The following TMED3 variants were observed in gnomAD, a reference collection of about 807,000 sequenced individuals.
The protein encoded by TMED3 is transmembrane p24 trafficking protein 3.
A neutral mutation model predicts 15.0 loss-of-function variants in TMED3; 9 were observed. The observed-to-expected ratio is 0.60, with a 90% CI of 0.36 to 1.04. The LOEUF is 1.04. TMED3 is among the 50% of genes least tolerant of loss of function. The probability of loss-of-function intolerance (pLI) is 0.01; values close to 1 mark genes in which losing one functional copy is unlikely to be tolerated. For synonymous variants in TMED3, 117 were observed against 121.4 expected, an observed-to-expected ratio of 0.96 and a Z score of 0.24; for missense variants, 267 against 278.9, an observed-to-expected ratio of 0.96 and a Z score of 0.30.
At chr15:79,363,826 C>T (rs759067362) in intron 2 of TMED3, among the ~76,000 whole-genome samples, 51 of 152,132 alleles carry the variant, frequency 3.4e-4, no homozygotes, top group Non-Finnish European at 6.5e-4. Context: ...ACACTGACAC[C>T]GGGATCGCAG....
chr15:79,348,469 GA>G (rs1229424180), intron 2 of TMED3, among the ~76,000 whole-genome samples: 1 of 152,154 alleles, frequency 6.6e-6, no homozygotes, highest in Non-Finnish European at 1.5e-5. Flanking sequence ...CTCATATAGG[GA>G]GACAAATCAA....
intron 2 of TMED3, among the ~76,000 whole-genome samples, chr15:79,410,621 C>T (rs1393868076): frequency 6.6e-6 from 1 of 151,900 alleles, no homozygotes; most frequent in African/African-American, 2.4e-5. Flanking sequence ...TTGAAGATTT[C>T]CCATAGGTGT....
At chr15:79,405,528 C>G (rs902208095) in intron 2 of TMED3, among the ~76,000 whole-genome samples, 2 of 152,152 alleles carry the variant, frequency 1.3e-5, no homozygotes, top group Admixed American at 1.3e-4. Flanking sequence ...TCCCAAGAAC[C>G]CTACCAAACC....
chr15:79,324,014 A>G (rs2058778061), downstream of TMED3, among the ~76,000 whole-genome samples: 1 of 152,142 alleles, frequency 6.6e-6, no homozygotes, highest in Admixed American at 6.5e-5. Context: ...CTTTTGAGAC[A>G]GAGTCTCACT....
chr15:79,406,234 G>A (rs1005050188), intron 2 of TMED3, among the ~76,000 whole-genome samples: 61 of 152,290 alleles, frequency 4.0e-4, no homozygotes, highest in African/African-American at 1.4e-3. Flanking sequence ...TCTTCACCGG[G>A]GTGAGGGGCT....
intron 2 of TMED3, 66 bp from the exon 3 acceptor site, chr15:79,321,912 G>A: frequency 6.4e-6 from 10 of 1,562,658 alleles, no homozygotes; most frequent in Non-Finnish European, 8.7e-6. Context: ...AACAGCATTT[G>A]CTGTTTGCTG....
intron 2 of TMED3, among the ~76,000 whole-genome samples, chr15:79,358,882 G>A (rs1468431028): frequency 2.6e-5 from 4 of 152,142 alleles, no homozygotes; most frequent in South Asian, 4.1e-4. Context: ...CAGGAGAGCC[G>A]TGGCCTGGAC....
intron 2 of TMED3, among the ~76,000 whole-genome samples, chr15:79,381,333 C>A (rs1371913907): frequency 6.6e-6 from 1 of 152,110 alleles, no homozygotes; most frequent in Non-Finnish European, 1.5e-5. Context: ...CCCCATGAAC[C>A]AAAGGAGACA....
intron 2 of TMED3, among the ~76,000 whole-genome samples, chr15:79,392,324 G>C (rs1285969089): frequency 6.6e-6 from 1 of 152,128 alleles, no homozygotes; most frequent in African/African-American, 2.4e-5. Flanking sequence ...CTCAGCATTT[G>C]TTCATCTGAA....
chr15:79,382,894 A>T, intron 2 of TMED3: 1 of 1,411,204 alleles, frequency 7.1e-7, no homozygotes, highest in Non-Finnish European at 9.7e-7. Context: ...TGTTCTTACC[A>T]ACACAATATA....
chr15:79,357,012 A>G (rs1466987), intron 2 of TMED3, among the ~76,000 whole-genome samples: 146,903 of 152,190 alleles, frequency 0.97, 71,135 homozygotes, highest in Middle Eastern at 1. Context: ...TGTAGTATGA[A>G]CCCATTTAAA....
intron 2 of TMED3, among the ~76,000 whole-genome samples, chr15:79,373,041 A>C (rs1893369578): frequency 6.6e-6 from 1 of 152,220 alleles, no homozygotes; most frequent in African/African-American, 2.4e-5. Context: ...TAGACTGATC[A>C]AATAAGTAGA....
At chr15:79,380,326 G>T (rs1484209607) in intron 2 of TMED3, among the ~76,000 whole-genome samples, 2 of 151,124 alleles carry the variant, frequency 1.3e-5, no homozygotes, top group East Asian at 3.9e-4. Flanking sequence ...CTCCAGCCTG[G>T]GCGACAGAGC....
intron 2 of TMED3, among the ~76,000 whole-genome samples, chr15:79,381,210 G>A (rs1286662057): frequency 6.6e-6 from 1 of 152,082 alleles, no homozygotes; most frequent in African/African-American, 2.4e-5. Context: ...ACCACCAGGT[G>A]GCAGCATCCT....
rs893295681 is a variant in TMED3, at chr15:79,311,196, C to T, written c.-54C>T. ...CCCGGTCGGTAGTCGTCGCCCCAGC[C>T]CGCCGGGGGCGCAGCGCCCGAGCCG... is the stretch of plus-strand genomic sequence containing the variant. On this transcript the variant is annotated 5_prime_UTR_variant, in exon 1 of 3. Transcript: ENST00000299705. 1.4e-5 allele frequency: 21 copies of T among 1,533,584 alleles called. No individual in the cohort carries two copies. In the African/African-American group the frequency reaches 2.9e-4, roughly 21 times the overall value. 95.0% of individuals were successfully genotyped at this position (1,533,584 alleles called of 1,614,324 possible).
Position 79,322,776 on chromosome 15 carries a change from G to C in TMED3, c.*562G>C. ...GGTGACTGGGTGCCCTTGGTGAGCT[G>C]TGTATTTCCTAGGAGGTAGAAAACT... On this transcript the variant is annotated 3_prime_UTR_variant, in exon 3 of 3. Transcript: ENST00000299705. 1 of 985,384 alleles carries C rather than the reference G, an allele frequency of 1.0e-6. No individual in the cohort carries two copies. The highest frequency in any genetic ancestry group is 1.7e-5 in the African/African-American group (1 of 57,298). 61.0% of individuals were successfully genotyped at this position (985,384 alleles called of 1,614,324 possible). A position where few individuals can be genotyped will look rare whatever the true frequency, so the allele number is the denominator to read the frequency against.
chr15:79,348,232 C>G (rs1180270649), intron 2 of TMED3, among the ~76,000 whole-genome samples: 2 of 152,182 alleles, frequency 1.3e-5, no homozygotes, highest in Non-Finnish European at 2.9e-5. Context: ...GATGACAGGT[C>G]ACTTGTCACA....
At chr15:79,318,461 C>T (rs1421927274) in intron 2 of TMED3, among the ~76,000 whole-genome samples, 1 of 152,182 alleles carries the variant, frequency 6.6e-6, no homozygotes, top group Non-Finnish European at 1.5e-5. Flanking sequence ...CTTGTAACCT[C>T]ATCCTACAAG....
At chr15:79,400,372 C>T (rs1163998952) in intron 2 of TMED3, among the ~76,000 whole-genome samples, 1 of 152,222 alleles carries the variant, frequency 6.6e-6, no homozygotes, top group Non-Finnish European at 1.5e-5. Context: ...ATTTAATTAT[C>T]TCTTGTCCAT....
Sources: gnomAD v4.1 joint callset for allele counts (sites outside exome capture counted in the v4.1 genomes callset) on GRCh38, gnomAD v4.1.1 for gene constraint, MANE v1.5 for transcripts, NCBI Gene and HGNC (gene_info 2026-07-23, HGNC 2026-07-21) for gene names.